The following GNL1 variants were observed in gnomAD, a reference collection of about 807,000 sequenced individuals.
The protein encoded by GNL1 is guanine nucleotide-binding protein-like 1.
In GNL1, 21 loss-of-function variants were observed where a neutral mutation model predicts 75.2. That is an observed-to-expected ratio of 0.28 (90% CI 0.20 to 0.40). The LOEUF (loss-of-function observed/expected upper bound fraction) is 0.40, where lower values mean the gene tolerates loss of function less well. Among genes scored for constraint, GNL1 ranks in the 10% least tolerant of loss-of-function variants. The pLI is 1.00. For synonymous variants in GNL1, 287 were observed against 303.4 expected (o/e 0.95, Z 0.56); for missense variants, 579 against 775.0 (o/e 0.75, Z 3.00).
chr6:30,546,657 C>T lies in GNL1; in HGVS notation c.1582+39G>A. On this transcript the variant is annotated intron_variant, in intron 11 of 11. Coordinates refer to ENST00000376621, the MANE Select transcript of GNL1 (RefSeq NM_005275.5). This position sits in a 1 kb window ranked among gnomAD's most constrained non-coding sequence, Gnocchi z 5.1. ...CAAAGCCCACACCCTTTTACCTACGCTATAGCAGGGGGCTGGGGAAGAATA... is the reference window on the plus strand; with the variant it reads ...CAAAGCCCACACCCTTTTACCTACGTTATAGCAGGGGGCTGGGGAAGAATA... The T allele has an allele frequency of 1.9e-6, 3 of 1,550,170 alleles. No homozygotes were observed. The highest frequency in any genetic ancestry group is 2.6e-6 in the Non-Finnish European group (3 of 1,133,236).
chr6:30,549,463 G>A (rs1414393652), intron 8 of GNL1, among the ~76,000 whole-genome samples: 1 of 152,212 alleles, frequency 6.6e-6, no homozygotes, highest in East Asian at 1.9e-4. Context: ...AAATTGTGCA[G>A]TATGGATGCT....
rs1334887293 is a variant in GNL1, at chr6:30,553,127, T to C, written c.861A>G (p.Pro287=). The part of the protein sequence containing the change: ...RGRGWTRALG[P]EQLLRACEAI... ...CTTCACAGGCTCTCAGCAACTGCTC[T>C]GGCCCCAGGGCCCGAGTCCATCCTC... is the stretch of plus-strand genomic sequence containing the variant. The change falls in exon 7 of 12, where the codon CCA becomes CCG. Residue 287 remains proline, a synonymous_variant. Transcript: ENST00000376621. 6 of 1,613,784 alleles carry C rather than the reference T, an allele frequency of 3.7e-6. No individual in the cohort carries two copies. Among genetic ancestry groups the C allele is most frequent in the Non-Finnish European group, 5.1e-6 (6 of 1,179,788 alleles).
intron 5 of GNL1, among the ~76,000 whole-genome samples, 166 bp from the exon 6 acceptor site, chr6:30,553,723 G>A (rs935711561): frequency 6.6e-6 from 1 of 152,114 alleles, no homozygotes; most frequent in African/African-American, 2.4e-5. Flanking sequence ...ACAAAACAGG[G>A]GTTAGTAATA....
Position 30,552,988 on chromosome 6 carries a change from CAT to C in GNL1, c.904+94_904+95del. 2.3e-6 allele frequency: 2 copies of C among 857,540 alleles called. No individual in the cohort carries two copies. Among genetic ancestry groups the C allele is most frequent in the Non-Finnish European group, 3.9e-6 (2 of 517,954 alleles). 53.1% of individuals were successfully genotyped at this position (857,540 alleles called of 1,614,324 possible). ...CCCCTGGCCTCTTGCACATATCCACCATAGAGGGGTTGGCTTCAGGAAAGGTG... is the reference window on the plus strand; with the variant it reads ...CCCCTGGCCTCTTGCACATATCCACCAGAGGGGTTGGCTTCAGGAAAGGTG... On this transcript the variant is annotated intron_variant, in intron 7 of 11. Coordinates refer to ENST00000376621, the MANE Select transcript of GNL1 (RefSeq NM_005275.5). This position sits in a 1 kb window ranked among gnomAD's most constrained non-coding sequence, Gnocchi z 4.5.
chr6:30,555,203 G>A lies in GNL1; in HGVS notation c.240-12C>T. 6.2e-7 allele frequency: 1 copy of A among 1,613,018 alleles called. No individual in the cohort carries two copies. The highest frequency in any genetic ancestry group is 8.5e-7 in the Non-Finnish European group (1 of 1,180,024). On this transcript the variant is annotated splice_polypyrimidine_tract_variant and intron_variant, in intron 2 of 11. Coordinates refer to ENST00000376621, the MANE Select transcript of GNL1 (RefSeq NM_005275.5). The surrounding 1 kb of genome is among the most constrained non-coding windows in gnomAD (Gnocchi z 4.3). ...AATGCAGTCGGTATCTAAGGGAACA[G>A]GGACCGAGACATCCAGAGCAATCCT...
chr6:30,553,017 G>T, intron 7 of GNL1, 67 bp downstream of exon 7: 1 of 1,123,026 alleles, frequency 8.9e-7, no homozygotes, highest in Non-Finnish European at 1.3e-6. Context: ...GGAAAGGTGA[G>T]CAAAATGATT....
intron 8 of GNL1, among the ~76,000 whole-genome samples, chr6:30,549,262 G>T (rs759674569): frequency 2.0e-5 from 3 of 152,052 alleles, no homozygotes; most frequent in Non-Finnish European, 4.4e-5. Flanking sequence ...GCCTCCCAAA[G>T]TGCTAGGATT....
rs556187737 is a variant in GNL1, at chr6:30,543,569, A to G, written c.*2503T>C. The G allele has an allele frequency of 7.9e-5, 12 of 152,340 alleles. No individual in the cohort carries two copies. The highest frequency in any genetic ancestry group is 1.5e-4 in the Non-Finnish European group (10 of 68,034). The allele number at this position is 152,340 out of a possible 1,614,324, so 9.4% of individuals were successfully genotyped here. On this transcript the variant is annotated 3_prime_UTR_variant, in exon 12 of 12. Transcript: ENST00000376621. ...AAAATAATGCTTTTATAGTTTACAT[A>G]CTGCTATAGAGCTATTGTATTATAT...
Position 30,556,476 on chromosome 6 carries a change from C to G in GNL1, c.-273G>C, listed in dbSNP as rs1327542698. 3.6e-6 allele frequency: 2 copies of G among 553,030 alleles called. No homozygotes were observed. The highest frequency in any genetic ancestry group is 1.9e-5 in the African/African-American group (1 of 51,436). The allele number at this position is 553,030 out of a possible 1,614,324, so 34.3% of individuals were successfully genotyped here. ...AGCCAGTGGCACCGAGAGGGCGCCCCGGCGGCGAGGAAGGAGGCGCGCGTG... is the reference window on the plus strand; with the variant it reads ...AGCCAGTGGCACCGAGAGGGCGCCCGGGCGGCGAGGAAGGAGGCGCGCGTG... On this transcript the variant is annotated 5_prime_UTR_variant, in exon 1 of 12. Coordinates refer to ENST00000376621, the MANE Select transcript of GNL1 (RefSeq NM_005275.5). The surrounding 1 kb of genome is among the most constrained non-coding windows in gnomAD (Gnocchi z 5.7).
chr6:30,546,663 C>A lies in GNL1; in HGVS notation c.1582+33G>T. ...CCACACCCTTTTACCTACGCTATAG[C>A]AGGGGGCTGGGGAAGAATATCTGGG... On this transcript the variant is annotated intron_variant, in intron 11 of 11. Transcript: ENST00000376621. This position sits in a 1 kb window ranked among gnomAD's most constrained non-coding sequence, Gnocchi z 5.1. The A allele has an allele frequency of 6.4e-7, 1 of 1,564,342 alleles. No homozygotes were observed. Among genetic ancestry groups the A allele is most frequent in the Non-Finnish European group, 8.7e-7 (1 of 1,144,452 alleles).
At position 30,553,190 on chromosome 6, in the gene GNL1, AG is replaced by A. The variant is rs1186682648; in HGVS notation, c.809-12del. Reference sequence around the variant, plus strand: ...GACTCTTCTTCAAGACTGAGATCAGAGGGCACAAAAGGATGGGCACACGGGC... The same window carrying A: ...GACTCTTCTTCAAGACTGAGATCAGAGGCACAAAAGGATGGGCACACGGGC... On this transcript the variant is annotated splice_polypyrimidine_tract_variant and intron_variant, in intron 6 of 11. Coordinates refer to ENST00000376621, the MANE Select transcript of GNL1 (RefSeq NM_005275.5). 1 of 1,596,672 alleles carries A rather than the reference AG, an allele frequency of 6.3e-7. No individual in the cohort carries two copies. The highest frequency in any genetic ancestry group is 1.7e-5 in the Admixed American group (1 of 59,958).
At chr6:30,550,479 G>C (rs969455259) in intron 8 of GNL1, among the ~76,000 whole-genome samples, 1 of 151,920 alleles carries the variant, frequency 6.6e-6, no homozygotes, top group Non-Finnish European at 1.5e-5. Context: ...TCATGCTTCC[G>C]GCCCTGTCTC....
In GNL1 at chr6:30,554,238, A is replaced by G. The variant is rs143080076; in HGVS notation, c.600+337T>C. Among the ~76,000 whole-genome samples the G allele has an allele frequency of 2.6e-5, 4 of 152,290 alleles. No homozygotes were observed. The East Asian group carries it at 5.8e-4, about 22-fold the overall frequency. On this transcript the variant is annotated intron_variant, in intron 5 of 11. Transcript: ENST00000376621. ...GATGTGGCAGTGCTAGAGAAATGAGATAAGGAAGAAAGGGCATCTTTGGGC... is the reference window on the plus strand; with the variant it reads ...GATGTGGCAGTGCTAGAGAAATGAGGTAAGGAAGAAAGGGCATCTTTGGGC...
chr6:30,553,934 T>A (rs1242741903), intron 5 of GNL1, among the ~76,000 whole-genome samples: 2 of 152,246 alleles, frequency 1.3e-5, no homozygotes, highest in African/African-American at 4.8e-5. Context: ...TATGCATGCA[T>A]GCAAGTACGT....
Position 30,555,064 on chromosome 6 carries a change from G to T in GNL1, c.367C>A (p.Pro123Thr), listed in dbSNP as rs1800053220. 5.0e-6 allele frequency: 8 copies of T among 1,612,818 alleles called. No homozygotes were observed. The highest frequency in any genetic ancestry group is 5.9e-6 in the Non-Finnish European group (7 of 1,180,018). Residue 123 changes from proline to threonine, a missense_variant, in exon 3 of 12, where the codon CCT becomes ACT. Transcript: ENST00000376621. This position sits in a 1 kb window ranked among gnomAD's most constrained non-coding sequence, Gnocchi z 4.3. ...LELDIREVYQ[P>T]GSVLDFPRRP... ...TCTTGCTCTCACTCACCTGAGCCAG[G>T]CTGATACACCTCCCGGATGTCCAGC...
rs772313939 is a variant in GNL1, at chr6:30,552,139, T to C, written c.1099+328A>G. The C allele has an allele frequency of 6.1e-6, 2 of 329,950 alleles. No homozygotes were observed. Among genetic ancestry groups the C allele is most frequent in the Non-Finnish European group, 1.1e-5 (2 of 179,750 alleles). The allele number at this position is 329,950 out of a possible 1,614,324, so 20.4% of individuals were successfully genotyped here. On this transcript the variant is annotated intron_variant, in intron 8 of 11. Coordinates refer to ENST00000376621, the MANE Select transcript of GNL1 (RefSeq NM_005275.5). This position sits in a 1 kb window ranked among gnomAD's most constrained non-coding sequence, Gnocchi z 4.5. ...TCAGCCTCCCAAAGCGCTGGGACTA[T>C]ATAGGCATGAGCCCTCACACATGGC...
Position 30,546,478 on chromosome 6 carries a change from C to A in GNL1, c.1583-165G>T. The A allele has an allele frequency of 1.5e-6, 1 of 679,606 alleles. No homozygotes were observed. 42.1% of individuals were successfully genotyped at this position (679,606 alleles called of 1,614,324 possible). ...AACTTCCTATGTGCAGATTGCTGAA[C>A]AGAACCTTTGTGCACATCAACTTCA... On this transcript the variant is annotated intron_variant, in intron 11 of 11. Coordinates refer to ENST00000376621, the MANE Select transcript of GNL1 (RefSeq NM_005275.5). This position sits in a 1 kb window ranked among gnomAD's most constrained non-coding sequence, Gnocchi z 5.1.
Position 30,544,147 on chromosome 6 carries a change from G to C in GNL1, c.*1925C>G, listed in dbSNP as rs1032626273. On this transcript the variant is annotated 3_prime_UTR_variant, in exon 12 of 12. Coordinates refer to ENST00000376621, the MANE Select transcript of GNL1 (RefSeq NM_005275.5). ...TGCTATTATCCTATAGAGTCAGCAA[G>C]TCATGGAAGAGGTTTTACAGTCTAA... The C allele has an allele frequency of 6.6e-6, 1 of 152,086 alleles. No homozygotes were observed. The highest frequency in any genetic ancestry group is 1.5e-5 in the Non-Finnish European group (1 of 68,026). 9.4% of individuals were successfully genotyped at this position (152,086 alleles called of 1,614,324 possible).
chr6:30,554,583 G>T lies in GNL1; in HGVS notation c.592C>A (p.Arg198=). Reference sequence around the variant, plus strand: ...TTATCCCTAGTACTCACTGGATGTCGGATATCAGTGATAAGCAGGACGATG... The same window carrying T: ...TTATCCCTAGTACTCACTGGATGTCTGATATCAGTGATAAGCAGGACGATG... The part of the protein sequence containing the change: ...SDIVLLITDI[R]HPVVNFPPAL... The change falls in exon 5 of 12, where the codon CGA becomes AGA. Residue 198 remains arginine (R), a synonymous_variant. Transcript: ENST00000376621. 6.3e-7 allele frequency: 1 copy of T among 1,589,520 alleles called. No homozygotes were observed. Among genetic ancestry groups the T allele is most frequent in the Admixed American group, 1.7e-5 (1 of 59,988 alleles).
Sources: gnomAD v4.1 joint callset for allele counts (sites outside exome capture counted in the v4.1 genomes callset) on GRCh38, gnomAD v4.1.1 for gene constraint, Gnocchi (gnomAD v3.1) non-coding constraint, MANE v1.5 for transcripts, NCBI Gene and HGNC (gene_info 2026-07-23, HGNC 2026-07-21) for gene names.